Variants in AGAP1 observed in about 807,000 individuals in gnomAD.
AGAP1 encodes the protein ArfGAP with GTPase domain, ankyrin repeat and PH domain 1.
AGAP1 carries 29 observed loss-of-function variants against 105.3 expected under a neutral mutation model. That is an observed-to-expected ratio of 0.28 (90% CI 0.21 to 0.38). The LOEUF (loss-of-function observed/expected upper bound fraction) is 0.38, where lower values mean the gene tolerates loss of function less well. AGAP1 is among the 10% of genes least tolerant of loss of function. The pLI is 1.00. For synonymous variants in AGAP1, 509 were observed against 485.9 expected (o/e 1.05, Z -0.63); for missense variants, 998 against 1,165.1 (o/e 0.86, Z 2.09).
At position 236,088,367 on chromosome 2, in the gene AGAP1, G is replaced by A. The variant is rs577513806; in HGVS notation, c.2115-31825G>A. ...GCTGGAAAGGGCAAAGACCCATTAA[G>A]CATCTGGAGTTTGGGTCCTGGGTTG... On this transcript the variant is annotated intron_variant, in intron 16 of 17. Coordinates refer to ENST00000304032, the MANE Select transcript of AGAP1 (RefSeq NM_001037131.3). 3.9e-5 allele frequency among the ~76,000 whole-genome samples: 6 copies of A among 152,372 alleles called. No individual in the cohort carries two copies. In the South Asian group the frequency reaches 1.2e-3, roughly 32 times the overall value.
chr2:235,583,337 TC>T (rs1171981014), intron 1 of AGAP1, among the ~76,000 whole-genome samples: 2 of 152,064 alleles, frequency 1.3e-5, no homozygotes, highest in Admixed American at 1.3e-4. Context: ...CTGGGGTAAC[TC>T]CAAGTGGGCC....
chr2:235,512,851 A>C (rs903722821), intron 1 of AGAP1, among the ~76,000 whole-genome samples: 1 of 152,190 alleles, frequency 6.6e-6, no homozygotes, highest in African/African-American at 2.4e-5. Flanking sequence ...GTTGAGATAC[A>C]TGAGTGAAAA....
intron 1 of AGAP1, among the ~76,000 whole-genome samples, chr2:235,564,993 G>T (rs111628280): frequency 6.3e-4 from 89 of 141,398 alleles, no homozygotes; most frequent in African/African-American, 2.5e-3. Flanking sequence ...CATCCTCCCA[G>T]GGCCAGGTGT....
chr2:236,127,001 CAG>C lies in AGAP1; in HGVS notation c.*2881_*2882del, dbSNP rs2060014217. On this transcript the variant is annotated 3_prime_UTR_variant, in exon 18 of 18. Transcript: ENST00000304032. The surrounding 1 kb of genome is among the most constrained non-coding windows in gnomAD (Gnocchi z 6.6). ...GTTCAGTTCTGTGACGTGACGATGA[CAG>C]ATCACCACTGCAGGATCCCCCTCAC... 6.6e-6 allele frequency: 1 copy of C among 152,288 alleles called. No individual in the cohort carries two copies. Among genetic ancestry groups the C allele is most frequent in the Admixed American group, 6.5e-5 (1 of 15,282 alleles). The allele number at this position is 152,288 out of a possible 1,614,324, so 9.4% of individuals were successfully genotyped here.
In AGAP1 at chr2:235,612,943, T is replaced by G. The variant is rs757595395; in HGVS notation, c.164-96236T>G. Among the ~76,000 whole-genome samples, 1 of 152,224 alleles carries G rather than the reference T, an allele frequency of 6.6e-6. No individual in the cohort carries two copies. Among genetic ancestry groups the G allele is most frequent in the Non-Finnish European group, 1.5e-5 (1 of 68,042 alleles). On this transcript the variant is annotated intron_variant, in intron 1 of 17. Transcript: ENST00000304032. This position sits in a 1 kb window ranked among gnomAD's most constrained non-coding sequence, Gnocchi z 4.3. Reference sequence around the variant, plus strand: ...CTGATGATGCCTAAGGATGTCCTTCTAATTTGGAGTTAACCTCTCTTTCCC... The same window carrying G: ...CTGATGATGCCTAAGGATGTCCTTCGAATTTGGAGTTAACCTCTCTTTCCC...
rs2051300063 is a variant in AGAP1, at chr2:235,906,230, T to C, written c.1156-2508T>C. Among the ~76,000 whole-genome samples, 1 of 152,180 alleles carries C rather than the reference T, an allele frequency of 6.6e-6. No individual in the cohort carries two copies. The highest frequency in any genetic ancestry group is 2.4e-5 in the African/African-American group (1 of 41,440). On this transcript the variant is annotated intron_variant, in intron 10 of 17. Transcript: ENST00000304032. The surrounding 1 kb of genome is among the most constrained non-coding windows in gnomAD (Gnocchi z 5.3). Reference sequence around the variant, plus strand: ...TCTGGGCTGATGTGAGATGCACGCGTGCCAGGGTTTTCTGCCTGGATAGCC... The same window carrying C: ...TCTGGGCTGATGTGAGATGCACGCGCGCCAGGGTTTTCTGCCTGGATAGCC...
At position 235,893,387 on chromosome 2, in the gene AGAP1, T is replaced by C. The variant is rs1304691894; in HGVS notation, c.1155+9938T>C. ...GTCCATCATAGGGGTGTGCTGTGTCTGTGGCGTGGGTGTAGCGTGTCTTTG... is the reference window on the plus strand; with the variant it reads ...GTCCATCATAGGGGTGTGCTGTGTCCGTGGCGTGGGTGTAGCGTGTCTTTG... On this transcript the variant is annotated intron_variant, in intron 10 of 17. Transcript: ENST00000304032. The surrounding 1 kb of genome is among the most constrained non-coding windows in gnomAD (Gnocchi z 4.7). Among the ~76,000 whole-genome samples, 3 of 149,904 alleles carry C rather than the reference T, an allele frequency of 2.0e-5. No homozygotes were observed. The highest frequency in any genetic ancestry group is 7.4e-5 in the African/African-American group (3 of 40,542).
chr2:235,613,477 CTT>C (rs1160107378), intron 1 of AGAP1, among the ~76,000 whole-genome samples: 4 of 152,274 alleles, frequency 2.6e-5, no homozygotes, highest in South Asian at 2.1e-4. Context: ...AATGAGAAGA[CTT>C]ATATCTTTTT....
chr2:236,049,013 G>C (rs1262119501), intron 15 of AGAP1, 46 bp from the exon 16 acceptor site: 7 of 1,530,290 alleles, frequency 4.6e-6, no homozygotes, highest in Middle Eastern at 1.7e-4. Context: ...TTGGAATGAT[G>C]CATGATGGTC....
chr2:236,113,375 G>A lies in AGAP1; in HGVS notation c.2115-6817G>A, dbSNP rs1423516971. Reference sequence around the variant, plus strand: ...AGGCTGGTGTCGAACTCCTGACCTCGTGATCCACCCACTTCGGCCTCCCAA... The same window carrying A: ...AGGCTGGTGTCGAACTCCTGACCTCATGATCCACCCACTTCGGCCTCCCAA... On this transcript the variant is annotated intron_variant, in intron 16 of 17. Coordinates refer to ENST00000304032, the MANE Select transcript of AGAP1 (RefSeq NM_001037131.3). This position sits in a 1 kb window ranked among gnomAD's most constrained non-coding sequence, Gnocchi z 4.3. Among the ~76,000 whole-genome samples, 7 of 152,118 alleles carry A rather than the reference G, an allele frequency of 4.6e-5. No individual in the cohort carries two copies. Among genetic ancestry groups the A allele is most frequent in the African/African-American group, 1.2e-4 (5 of 41,428 alleles).
intron 1 of AGAP1, among the ~76,000 whole-genome samples, chr2:235,542,217 C>CG (rs142742528): frequency 0.12 from 18,168 of 148,646 alleles, 1,244 homozygotes; most frequent in East Asian, 0.28. Context: ...CAGTGGGTCC[C>CG]GGGGGGGGGC....
chr2:235,602,172 A>C (rs184479874), intron 1 of AGAP1, among the ~76,000 whole-genome samples: 11 of 152,318 alleles, frequency 7.2e-5, no homozygotes, highest in Non-Finnish European at 8.8e-5. Context: ...AAAAATCAAA[A>C]GCATAACTTG....
rs895910338 is a variant in AGAP1 at position 235,867,983 on chromosome 2, T to C, written c.1051-15362T>C. Among the ~76,000 whole-genome samples the C allele has an allele frequency of 1.3e-5, 2 of 152,198 alleles. No homozygotes were observed. Among genetic ancestry groups the C allele is most frequent in the Non-Finnish European group, 2.9e-5 (2 of 68,044 alleles). ...GGGGAAAAATCTTAATTAGAATAAT[T>C]AGAATAAAATTATTAAATGCAAATG... is the stretch of plus-strand genomic sequence containing the variant. On this transcript the variant is annotated intron_variant, in intron 9 of 17. Coordinates refer to ENST00000304032, the MANE Select transcript of AGAP1 (RefSeq NM_001037131.3). The surrounding 1 kb of genome is among the most constrained non-coding windows in gnomAD (Gnocchi z 5.4).
Position 235,964,074 on chromosome 2 carries a change from G to GT in AGAP1, c.1484-4386dup, listed in dbSNP as rs910598157. On this transcript the variant is annotated intron_variant, in intron 12 of 17. Coordinates refer to ENST00000304032, the MANE Select transcript of AGAP1 (RefSeq NM_001037131.3). This position sits in a 1 kb window ranked among gnomAD's most constrained non-coding sequence, Gnocchi z 4.6. ...GGTTGCCCTGGGCACAGGCATGCTA[G>GT]TTAGATTGAGATAAGCGACTGGCAG... Among the ~76,000 whole-genome samples the GT allele has an allele frequency of 6.6e-6, 1 of 152,200 alleles. No homozygotes were observed. The highest frequency in any genetic ancestry group is 2.4e-5 in the African/African-American group (1 of 41,444).
chr2:235,885,246 CATA>C (rs1174058988), intron 10 of AGAP1, among the ~76,000 whole-genome samples: 1 of 152,198 alleles, frequency 6.6e-6, no homozygotes. Flanking sequence ...CTTCCTCACT[CATA>C]GTAGATATTT....
In AGAP1 at chr2:235,754,427, A is replaced by G. The variant is rs540016699; in HGVS notation, c.673+3939A>G. On this transcript the variant is annotated intron_variant, in intron 6 of 17. Transcript: ENST00000304032. This position sits in a 1 kb window ranked among gnomAD's most constrained non-coding sequence, Gnocchi z 4.6. ...TCTACATAATGTTTGGCTTGTAAAT[A>G]AAAAAAAAAAAAAAATCCAGCTGCT... 1.2e-5 allele frequency among the ~76,000 whole-genome samples: 1 copy of G among 85,156 alleles called. No homozygotes were observed. The highest frequency in any genetic ancestry group is 3.8e-5 in the African/African-American group (1 of 26,416). 55.9% of individuals were successfully genotyped at this position (85,156 alleles called of 152,430 possible).
chr2:236,036,747 G>A lies in AGAP1; in HGVS notation c.1800+32G>A. 4 of 1,613,186 alleles carry A rather than the reference G, an allele frequency of 2.5e-6. No homozygotes were observed. The highest frequency in any genetic ancestry group is 3.4e-6 in the Non-Finnish European group (4 of 1,179,652). ...CCCCTGGCTGCCCAAAACCAAGGCT[G>A]GGGCTGCTCAGGGGGAGTGCGGGCC... On this transcript the variant is annotated intron_variant, in intron 14 of 17. Coordinates refer to ENST00000304032, the MANE Select transcript of AGAP1 (RefSeq NM_001037131.3). The surrounding 1 kb of genome is among the most constrained non-coding windows in gnomAD (Gnocchi z 5.7).
rs1051213101 is a variant in AGAP1, at chr2:235,830,382, G to T, written c.1050+23051G>T. The stretch of plus-strand genomic sequence containing the variant: ...GTGCTGTCACTTAGCAGTGTCCACT[G>T]TCTTTCTTCAAATCAAGGCCAGTGA... On this transcript the variant is annotated intron_variant, in intron 9 of 17. Coordinates refer to ENST00000304032, the MANE Select transcript of AGAP1 (RefSeq NM_001037131.3). The surrounding 1 kb of genome is among the most constrained non-coding windows in gnomAD (Gnocchi z 5.5). 5.9e-5 allele frequency among the ~76,000 whole-genome samples: 9 copies of T among 152,212 alleles called. No individual in the cohort carries two copies. Among genetic ancestry groups the T allele is most frequent in the African/African-American group, 2.2e-4 (9 of 41,434 alleles).
Position 236,027,669 on chromosome 2 carries a change from GGA to G in AGAP1, c.1646-8891_1646-8890del, listed in dbSNP as rs199561916. On this transcript the variant is annotated intron_variant, in intron 13 of 17. Coordinates refer to ENST00000304032, the MANE Select transcript of AGAP1 (RefSeq NM_001037131.3). This position sits in a 1 kb window ranked among gnomAD's most constrained non-coding sequence, Gnocchi z 4.4. Reference sequence around the variant, plus strand: ...GCCTCTTGATTTGGGAGCTGATGCTGGACCCCGCATTGACGAGACAGAGGGGG... The same window carrying G: ...GCCTCTTGATTTGGGAGCTGATGCTGCCCCGCATTGACGAGACAGAGGGGG... Among the ~76,000 whole-genome samples, 787 of 152,246 alleles carry G rather than the reference GGA, an allele frequency of 5.2e-3. 4 individuals are homozygous for G. Among genetic ancestry groups the G allele is most frequent in the African/African-American group, 0.018 (741 of 41,526 alleles).
Sources: allele counts gnomAD v4.1 joint callset (sites outside exome capture counted in the v4.1 genomes callset), GRCh38; gene constraint gnomAD v4.1.1; non-coding constraint Gnocchi (gnomAD v3.1); transcripts MANE v1.5; gene names NCBI Gene and HGNC (gene_info 2026-07-23, HGNC 2026-07-21).